Variants in DNAH11 observed in about 807,000 individuals in gnomAD.
DNAH11 encodes the protein dynein axonemal heavy chain 11.
A neutral mutation model predicts 526.0 loss-of-function variants in DNAH11; 442 were observed. The ratio of observed to expected loss-of-function variants is 0.84; its 90% confidence interval spans 0.78 to 0.91. DNAH11 has a LOEUF of 0.91. Ranked by LOEUF, DNAH11 falls within the 40% of genes least tolerant of loss-of-function variation. DNAH11 has a pLI of 0.00. For missense variants in DNAH11, 6,989 were observed against 5,448.7 expected (o/e 1.28, Z -8.90); for synonymous variants, 2,461 against 1,935.9 (o/e 1.27, Z -7.12).
At chr7:21,778,841 A>T in intron 56 of DNAH11, 117 bp from the exon 57 acceptor site, 1 of 1,264,274 alleles carries the variant, frequency 7.9e-7, no homozygotes, top group Non-Finnish European at 1.1e-6. Flanking sequence ...ATCAGGGTAG[A>T]GACAGATGCA....
Position 21,545,167 on chromosome 7 carries a change from A to G in DNAH11, c.495+18A>G, listed in dbSNP as rs779666043. ...TTGATGAGGTACTGGTCTGTCTTTA[A>G]TATTTAAAGCTTTCACTTATCTCCA... On this transcript the variant is annotated intron_variant, in intron 2 of 81. Transcript: ENST00000409508. The G allele has an allele frequency of 2.0e-5, 32 of 1,588,866 alleles. No homozygotes were observed. The highest frequency in any genetic ancestry group is 2.7e-5 in the Non-Finnish European group (32 of 1,167,734).
At chr7:21,745,736 A>G (rs1293808334) in intron 51 of DNAH11, among the ~76,000 whole-genome samples, 3 of 152,236 alleles carry the variant, frequency 2.0e-5, no homozygotes, top group African/African-American at 7.2e-5. Context: ...AAAATATCAG[A>G]AAGTGATGTG....
At chr7:21,831,998 G>T (rs1334410688) in intron 65 of DNAH11, among the ~76,000 whole-genome samples, 1 of 152,066 alleles carries the variant, frequency 6.6e-6, no homozygotes, top group East Asian at 1.9e-4. Flanking sequence ...GCTGAGACAG[G>T]AGAATTGTTT....
At chr7:21,664,359 A>ATTG (rs1012236402) in intron 30 of DNAH11, among the ~76,000 whole-genome samples, 15 of 151,700 alleles carry the variant, frequency 9.9e-5, no homozygotes, top group Non-Finnish European at 2.2e-4. Context: ...TTCTGTAGGA[A>ATTG]TTGTCTTCCC....
chr7:21,596,842 T>G (rs1466687649), intron 14 of DNAH11, among the ~76,000 whole-genome samples: 3 of 152,190 alleles, frequency 2.0e-5, no homozygotes, highest in Admixed American at 6.5e-5. Context: ...AGCTTCTGCC[T>G]TGAGGGAATG....
intron 74 of DNAH11, among the ~76,000 whole-genome samples, chr7:21,877,424 T>G (rs895778126): frequency 1.3e-5 from 2 of 152,288 alleles, no homozygotes; most frequent in Admixed American, 6.5e-5. Flanking sequence ...AGAATTTACC[T>G]CCAAACTTTG....
intron 54 of DNAH11, among the ~76,000 whole-genome samples, chr7:21,753,218 C>G (rs75344004): frequency 3.2e-4 from 49 of 152,192 alleles, no homozygotes; most frequent in African/African-American, 1.1e-3. Flanking sequence ...GTTCATGTTC[C>G]AGGCAGGGGG....
chr7:21,674,028 TTGTGTGTG>T (rs59263134), intron 30 of DNAH11, among the ~76,000 whole-genome samples: 10 of 137,350 alleles, frequency 7.3e-5, no homozygotes, highest in Middle Eastern at 3.5e-3. Context: ...CTGTTTTGTT[TTGTGTGTG>T]TGTGTGTGTG....
In DNAH11 at chr7:21,588,083, A is replaced by G. The variant is rs770879506; in HGVS notation, c.1730A>G (p.Asn577Ser). The change falls in exon 10 of 82, where the codon AAT (asparagine) becomes AGT (serine). Residue 577 changes from asparagine to serine, a missense_variant. Coordinates refer to ENST00000409508, the MANE Select transcript of DNAH11 (RefSeq NM_001277115.2). ...TTATAGCTTTTGACCATATTTGGAA[A>G]TTTTCTAGAGAAGCCAGTTGTCATG... Reference protein sequence around the residue: ...AAFKLLTIFGNFLEKPVVMEI... With the variant: ...AAFKLLTIFGSFLEKPVVMEI... 2.5e-5 allele frequency: 40 copies of G among 1,613,088 alleles called. No homozygotes were observed. The highest frequency in any genetic ancestry group is 3.3e-5 in the Non-Finnish European group (39 of 1,179,632).
At chr7:21,585,603 A>G (rs1327615910) in intron 9 of DNAH11, among the ~76,000 whole-genome samples, 1 of 152,210 alleles carries the variant, frequency 6.6e-6, no homozygotes, top group Non-Finnish European at 1.5e-5. Context: ...ATACTACTGA[A>G]TGGCTCTCTA....
intron 77 of DNAH11, among the ~76,000 whole-genome samples, chr7:21,893,815 G>C (rs1373779483): frequency 6.6e-6 from 1 of 152,206 alleles, no homozygotes; most frequent in Non-Finnish European, 1.5e-5. Context: ...TGCCGTGGTT[G>C]GGAGGGCAGC....
At chr7:21,758,552 A>T (rs552863460) in intron 54 of DNAH11, among the ~76,000 whole-genome samples, 1 of 152,212 alleles carries the variant, frequency 6.6e-6, no homozygotes, top group East Asian at 1.9e-4. Context: ...ATTCAATCCA[A>T]TAATCACACA....
chr7:21,818,549 A>G (rs1789916056), intron 65 of DNAH11, among the ~76,000 whole-genome samples: 2 of 152,168 alleles, frequency 1.3e-5, no homozygotes, highest in African/African-American at 4.8e-5. Flanking sequence ...GTTTTATCCA[A>G]TTCCTGATTT....
intron 6 of DNAH11, among the ~76,000 whole-genome samples, chr7:21,567,033 A>C (rs56404110): frequency 0.17 from 26,034 of 152,142 alleles, 2,321 homozygotes; most frequent in Middle Eastern, 0.24. Context: ...GCTTACTATA[A>C]ATTCCTGATG....
intron 55 of DNAH11, among the ~76,000 whole-genome samples, chr7:21,767,581 T>C (rs1787235309): frequency 6.6e-6 from 1 of 152,204 alleles, no homozygotes; most frequent in Non-Finnish European, 1.5e-5. Flanking sequence ...ATAGGAATTT[T>C]AAAAACACTT....
At chr7:21,611,843 A>G (rs1001822558) in intron 20 of DNAH11, among the ~76,000 whole-genome samples, 9 of 152,212 alleles carry the variant, frequency 5.9e-5, no homozygotes, top group African/African-American at 2.2e-4. Flanking sequence ...TATATTTACC[A>G]CCAATAAACC....
At chr7:21,895,058 T>G (rs1776157001) in intron 79 of DNAH11, 59 bp downstream of exon 79, 1 of 1,354,052 alleles carries the variant, frequency 7.4e-7, no homozygotes. Flanking sequence ...TGGGTTAGTG[T>G]TCTGAATAAT....
chr7:21,801,651 T>C (rs544820441), intron 62 of DNAH11, among the ~76,000 whole-genome samples: 1 of 152,312 alleles, frequency 6.6e-6, no homozygotes, highest in East Asian at 1.9e-4. Context: ...TGAAATCCTT[T>C]AAAAACAAAA....
intron 28 of DNAH11, among the ~76,000 whole-genome samples, chr7:21,651,843 A>G (rs1781791386): frequency 6.6e-6 from 1 of 152,228 alleles, no homozygotes; most frequent in African/African-American, 2.4e-5. Context: ...CACAAAAATC[A>G]CTGCCTAAGT....
Sources: allele counts gnomAD v4.1 joint callset (sites outside exome capture counted in the v4.1 genomes callset), GRCh38; gene constraint gnomAD v4.1.1; transcripts MANE v1.5; gene names NCBI Gene and HGNC (gene_info 2026-07-23, HGNC 2026-07-21).